CNTN5: variants seen among roughly 807,000 people sequenced by gnomAD.
CNTN5 encodes the protein contactin 5.
CNTN5 carries 77 observed loss-of-function variants against 129.1 expected under a neutral mutation model. The ratio of observed to expected loss-of-function variants is 0.60; its 90% CI spans 0.50 to 0.72. The LOEUF (loss-of-function observed/expected upper bound fraction) is 0.72. CNTN5 is among the 30% of genes least tolerant of loss of function. The probability of loss-of-function intolerance (pLI) is 0.00; values close to 1 mark genes in which losing one functional copy is unlikely to be tolerated. For missense variants in CNTN5, 1,478 were observed against 1,328.8 expected (o/e 1.11, Z -1.75); for synonymous variants, 509 against 465.6 (o/e 1.09, Z -1.20).
intron 3 of CNTN5, among the ~76,000 whole-genome samples, chr11:99,735,558 T>C (rs997846316): frequency 1.3e-5 from 2 of 152,190 alleles, no homozygotes; most frequent in African/African-American, 2.4e-5. Flanking sequence ...TGTGTTAGAA[T>C]TGATACTGAA....
At chr11:99,263,278 C>G (rs899848700) in intron 1 of CNTN5, among the ~76,000 whole-genome samples, 1 of 151,894 alleles carries the variant, frequency 6.6e-6, no homozygotes, top group African/African-American at 2.4e-5. Context: ...ACTTTTATCC[C>G]GGAGAAAAAA....
At chr11:99,519,578 C>T (rs963674395) in intron 2 of CNTN5, among the ~76,000 whole-genome samples, 2 of 152,004 alleles carry the variant, frequency 1.3e-5, no homozygotes, top group African/African-American at 4.8e-5. Flanking sequence ...TTTCTTCCTT[C>T]TAATTATGCT....
At chr11:99,856,694 C>A (rs932101149) in intron 6 of CNTN5, among the ~76,000 whole-genome samples, 1 of 152,058 alleles carries the variant, frequency 6.6e-6, no homozygotes, top group African/African-American at 2.4e-5. Flanking sequence ...AATATTAGCT[C>A]TTTGTCTAAA....
chr11:99,215,105 G>C (rs1860051206), intron 1 of CNTN5, among the ~76,000 whole-genome samples: 1 of 152,064 alleles, frequency 6.6e-6, no homozygotes, highest in Admixed American at 6.6e-5. Flanking sequence ...GAATATAACA[G>C]TGATCATTGT....
intron 6 of CNTN5, among the ~76,000 whole-genome samples, chr11:99,860,706 A>T (rs765685169): frequency 6.6e-6 from 1 of 152,106 alleles, no homozygotes; most frequent in Non-Finnish European, 1.5e-5. Context: ...ATAGCCTTAT[A>T]GTGTAGTTTG....
chr11:99,807,673 C>A (rs1299257086), intron 3 of CNTN5, among the ~76,000 whole-genome samples: 12 of 151,698 alleles, frequency 7.9e-5, no homozygotes. Flanking sequence ...CACTACCATG[C>A]CCAGCCACAA....
chr11:99,373,807 CAT>C (rs1372731822), intron 2 of CNTN5, among the ~76,000 whole-genome samples: 1 of 150,452 alleles, frequency 6.6e-6, no homozygotes, highest in Non-Finnish European at 1.5e-5. Flanking sequence ...ACAATTATTT[CAT>C]TAATATGTCC....
intron 16 of CNTN5, among the ~76,000 whole-genome samples, chr11:100,241,590 C>G (rs1949743042): frequency 6.6e-6 from 1 of 152,168 alleles, no homozygotes; most frequent in African/African-American, 2.4e-5. Context: ...TATTACAGAG[C>G]TACATACAAA....
At chr11:99,248,170 G>A (rs1861915655) in intron 1 of CNTN5, among the ~76,000 whole-genome samples, 1 of 152,112 alleles carries the variant, frequency 6.6e-6, no homozygotes, top group African/African-American at 2.4e-5. Flanking sequence ...GGTGTGAGAT[G>A]GTATCTCATT....
chr11:99,789,639 T>G (rs1945666949), intron 3 of CNTN5, among the ~76,000 whole-genome samples: 1 of 152,052 alleles, frequency 6.6e-6, no homozygotes, highest in Admixed American at 6.6e-5. Flanking sequence ...TTATTGTATT[T>G]TAGAATATGT....
chr11:99,731,601 T>G (rs1395133659), intron 3 of CNTN5, among the ~76,000 whole-genome samples: 5 of 152,172 alleles, frequency 3.3e-5, no homozygotes, highest in Admixed American at 6.5e-5. Flanking sequence ...CATACAGAGT[T>G]GACTGAAGTT....
chr11:99,470,848 A>G (rs1197910595), intron 2 of CNTN5, among the ~76,000 whole-genome samples: 6 of 152,138 alleles, frequency 3.9e-5, no homozygotes, highest in African/African-American at 1.4e-4. Context: ...ATTCTGATTA[A>G]GTTTGCAGTT....
At chr11:99,902,268 T>C (rs1033489353) in intron 6 of CNTN5, among the ~76,000 whole-genome samples, 4 of 151,488 alleles carry the variant, frequency 2.6e-5, no homozygotes, top group Non-Finnish European at 4.4e-5. Context: ...TTAACATTTT[T>C]AAATGTTTGA....
At chr11:99,481,994 A>G (rs578004669) in intron 2 of CNTN5, among the ~76,000 whole-genome samples, 2 of 152,350 alleles carry the variant, frequency 1.3e-5, no homozygotes, top group African/African-American at 4.8e-5. Flanking sequence ...ATTAATGAAT[A>G]AATTGATACC....
At chr11:99,191,985 T>C (rs1027129179) in intron 1 of CNTN5, among the ~76,000 whole-genome samples, 2 of 151,710 alleles carry the variant, frequency 1.3e-5, no homozygotes, top group East Asian at 3.9e-4. Flanking sequence ...ACAGAAACTA[T>C]AAAAATAATA....
intron 3 of CNTN5, among the ~76,000 whole-genome samples, chr11:99,636,785 T>TG (rs1214997561): frequency 1.1e-5 from 1 of 90,952 alleles, no homozygotes; most frequent in African/African-American, 3.2e-5. Context: ...GAGGCCAAGG[T>TG]GGGGGGATGG....
In CNTN5 at chr11:99,348,630, A is replaced by T. The variant is rs551299792; in HGVS notation, c.-71+23146A>T. Among the ~76,000 whole-genome samples, 18 of 152,282 alleles carry T rather than the reference A, an allele frequency of 1.2e-4. No individual in the cohort carries two copies. In the East Asian group the frequency reaches 2.3e-3, roughly 20 times the overall value. Reference sequence around the variant, plus strand: ...TCTGGATAGATGGCATGGTCCCAAGATCCTTCAGATCCATCTACCACCAGT... The same window carrying T: ...TCTGGATAGATGGCATGGTCCCAAGTTCCTTCAGATCCATCTACCACCAGT... On this transcript the variant is annotated intron_variant, in intron 2 of 24. Transcript: ENST00000524871.
chr11:100,114,797 G>C (rs1945784587), intron 13 of CNTN5, among the ~76,000 whole-genome samples: 1 of 152,040 alleles, frequency 6.6e-6, no homozygotes, highest in Non-Finnish European at 1.5e-5. Flanking sequence ...TCAACAAATA[G>C]ATAATGAGCA....
At chr11:99,982,047 T>C (rs906983175) in intron 8 of CNTN5, among the ~76,000 whole-genome samples, 13 of 152,218 alleles carry the variant, frequency 8.5e-5, no homozygotes, top group African/African-American at 2.9e-4. Context: ...ATAATTACTG[T>C]GGTTATAGAA....
Sources: gnomAD v4.1 joint callset for allele counts (sites outside exome capture counted in the v4.1 genomes callset) on GRCh38, gnomAD v4.1.1 for gene constraint, MANE v1.5 for transcripts, NCBI Gene and HGNC (gene_info 2026-07-23, HGNC 2026-07-21) for gene names.